The following ZMIZ1 variants were observed in gnomAD, a reference collection of about 807,000 sequenced individuals.
The protein encoded by ZMIZ1 is zinc finger MIZ domain-containing protein 1.
ZMIZ1 carries 17 observed loss-of-function variants against 113.9 expected under a neutral mutation model. The ratio of observed to expected loss-of-function variants is 0.15; its 90% CI spans 0.10 to 0.22. ZMIZ1 has a LOEUF of 0.22. Among genes scored for constraint, ZMIZ1 ranks in the 10% least tolerant of loss-of-function variants. ZMIZ1 has a pLI of 1.00. For missense variants in ZMIZ1, 1,059 were observed against 1,477.8 expected (o/e 0.72, Z 4.65); for synonymous variants, 607 against 603.1 (o/e 1.01, Z -0.09).
At chr10:79,130,792 C>T (rs1844728548) in intron 2 of ZMIZ1, among the ~76,000 whole-genome samples, 1 of 152,148 alleles carries the variant, frequency 6.6e-6, no homozygotes, top group Admixed American at 6.5e-5. Context: ...AATAAAGTGA[C>T]ACTTATGAAG....
At chr10:79,089,535 G>A (rs1251379967) in intron 1 of ZMIZ1, among the ~76,000 whole-genome samples, 1 of 152,226 alleles carries the variant, frequency 6.6e-6, no homozygotes, top group Non-Finnish European at 1.5e-5. Context: ...ACCCGGAGGG[G>A]TACTGGGACT....
chr10:79,082,173 C>T (rs1015877051), intron 1 of ZMIZ1, among the ~76,000 whole-genome samples: 16 of 150,196 alleles, frequency 1.1e-4, no homozygotes, highest in Admixed American at 2.0e-4. Context: ...CTGGGCCTTT[C>T]GGCTCTGGCT....
chr10:79,119,815 G>A (rs1332947400), intron 2 of ZMIZ1, among the ~76,000 whole-genome samples: 1 of 152,134 alleles, frequency 6.6e-6, no homozygotes, highest in African/African-American at 2.4e-5. Context: ...TGGCAGCCAG[G>A]GCCCCCTCTA....
intron 7 of ZMIZ1, chr10:79,243,785 G>A: frequency 5.0e-6 from 1 of 198,618 alleles, no homozygotes; most frequent in South Asian, 4.9e-5. Flanking sequence ...CCACGGGCCG[G>A]GCCCTGGGCT....
At chr10:79,165,718 G>A (rs971011574) in intron 4 of ZMIZ1, among the ~76,000 whole-genome samples, 1 of 152,150 alleles carries the variant, frequency 6.6e-6, no homozygotes, top group African/African-American at 2.4e-5. Context: ...TCCCACAGCT[G>A]GAGGTCTTGA....
Position 79,298,488 on chromosome 10 carries a change from G to T in ZMIZ1, c.1574G>T (p.Ser525Ile). 1 of 1,604,024 alleles carries T rather than the reference G, an allele frequency of 6.2e-7. No individual in the cohort carries two copies. The highest frequency in any genetic ancestry group is 1.1e-5 in the South Asian group (1 of 90,464). Reference protein sequence around the residue: ...NPTPPMTPGSSIPPYLSPSQD... With the variant: ...NPTPPMTPGSIIPPYLSPSQD... ...ACACCCCCCATGACCCCTGGGAGCA[G>T]CATCCCTCCATACCTGTCCCCCAGC... The change falls in exon 15 of 25, where the codon AGC (serine) becomes ATC (isoleucine). Residue 525 changes from serine to isoleucine, a missense_variant. Ser to Ile is a moderately radical substitution (Grantham distance 142, BLOSUM62 -2). Transcript: ENST00000334512.
intron 1 of ZMIZ1, among the ~76,000 whole-genome samples, chr10:79,092,836 C>T (rs188878858): frequency 1.8e-3 from 279 of 152,150 alleles, no homozygotes; most frequent in Non-Finnish European, 3.2e-3. Context: ...TCAGGTAGCT[C>T]GCTTTTCTGT....
At chr10:79,285,593 G>A (rs1382298513) in intron 8 of ZMIZ1, 1 of 456,070 alleles carries the variant, frequency 2.2e-6, no homozygotes, top group South Asian at 1.5e-5. Flanking sequence ...TAACGAAATG[G>A]ACATATTCAT....
At chr10:79,128,269 T>A (rs978760819) in intron 2 of ZMIZ1, among the ~76,000 whole-genome samples, 7 of 152,268 alleles carry the variant, frequency 4.6e-5, no homozygotes, top group African/African-American at 1.7e-4. Flanking sequence ...CTGCCCTCCT[T>A]GGAGTTTTCT....
At position 79,277,224 on chromosome 10, in the gene ZMIZ1, G is replaced by A; in HGVS notation, c.324G>A (p.Leu108=). 3 of 1,587,236 alleles carry A rather than the reference G, an allele frequency of 1.9e-6. No individual in the cohort carries two copies. The highest frequency in any genetic ancestry group is 2.6e-6 in the Non-Finnish European group (3 of 1,166,476). The part of the protein sequence containing the change: ...SWCEELGRLL[L]LRHQKSRQSD... ...GCGAAGAGCTCGGCCGCCTGCTGCT[G>A]CTCCGACATCAGAAGAGCCGCCAGA... Residue 108 remains leucine, a synonymous_variant, in exon 8 of 25, where the codon CTG becomes CTA. Transcript: ENST00000334512.
chr10:79,281,422 G>A (rs1055436502), intron 8 of ZMIZ1, among the ~76,000 whole-genome samples: 11 of 152,278 alleles, frequency 7.2e-5, no homozygotes, highest in African/African-American at 1.7e-4. Context: ...GAAGGACTTC[G>A]GCTGGGAGGG....
intron 2 of ZMIZ1, among the ~76,000 whole-genome samples, chr10:79,124,706 C>T (rs554425050): frequency 6.6e-6 from 1 of 152,254 alleles, no homozygotes; most frequent in Admixed American, 6.5e-5. Context: ...AGAAGACTTC[C>T]TGGTGGAGGG....
intron 18 of ZMIZ1, 131 bp from the exon 19 acceptor site, chr10:79,303,884 C>A: frequency 7.6e-7 from 1 of 1,313,130 alleles, no homozygotes; most frequent in Non-Finnish European, 1.1e-6. Context: ...GCCCTCTCAG[C>A]GTTTGGTGTG....
chr10:79,199,735 C>T (rs1014209254), intron 4 of ZMIZ1, among the ~76,000 whole-genome samples: 4 of 152,240 alleles, frequency 2.6e-5, no homozygotes, highest in East Asian at 3.9e-4. Context: ...GGACTGGGGA[C>T]GGGGTCTGGA....
At chr10:79,212,989 G>A (rs1319023871) in intron 6 of ZMIZ1, among the ~76,000 whole-genome samples, 1 of 152,106 alleles carries the variant, frequency 6.6e-6, no homozygotes, top group Non-Finnish European at 1.5e-5. Context: ...CTGGCTCTAG[G>A]GGTCTAGGTG....
intron 3 of ZMIZ1, among the ~76,000 whole-genome samples, chr10:79,152,165 G>A (rs1178744015): frequency 6.6e-6 from 1 of 152,192 alleles, no homozygotes; most frequent in East Asian, 1.9e-4. Flanking sequence ...CTGGCCAAGG[G>A]ATTTCAGCCA....
chr10:79,186,934 G>A (rs1301285834), intron 4 of ZMIZ1, among the ~76,000 whole-genome samples: 1 of 152,156 alleles, frequency 6.6e-6, no homozygotes, highest in Non-Finnish European at 1.5e-5. Context: ...CCTGCTGGAG[G>A]CCATGCCCCC....
At chr10:79,307,304 G>C in intron 22 of ZMIZ1, 101 bp from the exon 23 acceptor site, 4 of 1,257,220 alleles carry the variant, frequency 3.2e-6, no homozygotes, top group Non-Finnish European at 4.5e-6. Context: ...CTCGCAAGAG[G>C]AAAAGGACTT....
chr10:79,266,836 G>A (rs1054835855), intron 7 of ZMIZ1, among the ~76,000 whole-genome samples: 1 of 152,224 alleles, frequency 6.6e-6, no homozygotes, highest in Non-Finnish European at 1.5e-5. Flanking sequence ...CCAGCCTCCA[G>A]CCGGGCAGAG....
Sources: allele counts gnomAD v4.1 joint callset (sites outside exome capture counted in the v4.1 genomes callset), GRCh38; gene constraint gnomAD v4.1.1; transcripts MANE v1.5; gene names NCBI Gene and HGNC (gene_info 2026-07-23, HGNC 2026-07-21).